The following UBOX5 variants were observed in gnomAD, a reference collection of about 807,000 sequenced individuals.
The protein encoded by UBOX5 is RING finger protein 37.
In UBOX5, 28 loss-of-function variants were observed where a neutral mutation model predicts 39.0. That is an observed-to-expected ratio of 0.72 (90% CI 0.53 to 0.98). The LOEUF (loss-of-function observed/expected upper bound fraction) is 0.98, where lower values mean the gene tolerates loss of function less well. Among genes scored for constraint, UBOX5 ranks in the 50% least tolerant of loss-of-function variants. UBOX5 has a pLI of 0.00. For missense variants in UBOX5, 585 were observed against 674.4 expected, an observed-to-expected ratio of 0.87 and a Z score of 1.47; for synonymous variants, 283 against 275.5, an observed-to-expected ratio of 1.03 and a Z score of -0.27.
chr20:3,118,481 C>T (rs1397430318), intron 3 of UBOX5, among the ~76,000 whole-genome samples: 2 of 150,154 alleles, frequency 1.3e-5, no homozygotes, highest in Admixed American at 6.6e-5. Flanking sequence ...CATAAAAATA[C>T]AAAAATCAGC....
At chr20:3,114,213 G>A (rs1437979473) in intron 4 of UBOX5, among the ~76,000 whole-genome samples, 2 of 152,146 alleles carry the variant, frequency 1.3e-5, no homozygotes, top group East Asian at 3.9e-4. Context: ...GGAGCTACAG[G>A]GGAACATGGA....
chr20:3,122,598 A>G lies in UBOX5; in HGVS notation c.55-14T>C. The G allele has an allele frequency of 6.5e-7, 1 of 1,545,190 alleles. No individual in the cohort carries two copies. Among genetic ancestry groups the G allele is most frequent in the Non-Finnish European group, 8.7e-7 (1 of 1,146,766 alleles). ...ATCAGCTGATATCTAGATTTAATAA[A>G]AAACACAAGATACAATGATCCAAAT... is the stretch of plus-strand genomic sequence containing the variant. On this transcript the variant is annotated splice_polypyrimidine_tract_variant and intron_variant, in intron 2 of 4. Transcript: ENST00000217173.
intron 1 of UBOX5, among the ~76,000 whole-genome samples, chr20:3,124,401 A>T (rs1408010601): frequency 6.6e-6 from 1 of 152,172 alleles, no homozygotes; most frequent in Non-Finnish European, 1.5e-5. Flanking sequence ...CTGGGATTGC[A>T]GACGGAGTCT....
intron 4 of UBOX5, among the ~76,000 whole-genome samples, chr20:3,111,979 C>G (rs1444371993): frequency 6.6e-6 from 1 of 152,116 alleles, no homozygotes; most frequent in Non-Finnish European, 1.5e-5. Context: ...GCCTCCGCAT[C>G]CCTGAGAACT....
At chr20:3,128,182 A>G (rs1243976665) in intron 1 of UBOX5, among the ~76,000 whole-genome samples, 5 of 152,234 alleles carry the variant, frequency 3.3e-5, no homozygotes, top group Non-Finnish European at 5.9e-5. Context: ...GAAGCCCTAT[A>G]GTTACCTCTT....
intron 3 of UBOX5, among the ~76,000 whole-genome samples, chr20:3,117,932 C>A (rs1421458632): frequency 6.6e-6 from 1 of 151,936 alleles, no homozygotes; most frequent in Non-Finnish European, 1.5e-5. Context: ...GCGGAGGTTG[C>A]AGTGAGCAGA....
intron 4 of UBOX5, among the ~76,000 whole-genome samples, chr20:3,114,816 C>T (rs933417449): frequency 5.3e-5 from 8 of 152,042 alleles, no homozygotes; most frequent in Non-Finnish European, 1.2e-4. Context: ...GGCATGGTGG[C>T]GGGCGCCTGT....
Position 3,109,971 on chromosome 20 carries a change from A to G in UBOX5, c.*135T>C. On this transcript the variant is annotated 3_prime_UTR_variant, in exon 5 of 5. Transcript: ENST00000217173. ...AAGCAATGTGCTATACCGTGAGGTG[A>G]TGAAGAAGAGCCCCGGGAGGGAGCA... 2 of 996,300 alleles carry G rather than the reference A, an allele frequency of 2.0e-6. No individual in the cohort carries two copies. Among genetic ancestry groups the G allele is most frequent in the Non-Finnish European group, 3.0e-6 (2 of 667,546 alleles). The allele number at this position is 996,300 out of a possible 1,614,324, so 61.7% of individuals were successfully genotyped here. A position where few individuals can be genotyped will look rare whatever the true frequency, so the allele number is the denominator to read the frequency against.
chr20:3,134,246 G>A (rs1482819980), intron 1 of UBOX5, among the ~76,000 whole-genome samples: 1 of 151,818 alleles, frequency 6.6e-6, no homozygotes, highest in Non-Finnish European at 1.5e-5. Flanking sequence ...TTTACATTTG[G>A]TGTATTCATT....
At chr20:3,148,953 C>G in intron 1 of UBOX5, 1 of 1,614,164 alleles carries the variant, frequency 6.2e-7, no homozygotes, top group Non-Finnish European at 8.5e-7. Context: ...GGGTCCTGTC[C>G]CCCATGCTGT....
At chr20:3,141,946 G>A (rs2066520231) in intron 1 of UBOX5, among the ~76,000 whole-genome samples, 2 of 152,128 alleles carry the variant, frequency 1.3e-5, no homozygotes, top group South Asian at 4.1e-4. Flanking sequence ...CTGGGATTTT[G>A]AGGCTGCAGT....
intron 1 of UBOX5, among the ~76,000 whole-genome samples, chr20:3,140,965 C>T (rs968062037): frequency 5.0e-5 from 7 of 140,826 alleles, no homozygotes; most frequent in African/African-American, 1.9e-4. Flanking sequence ...GTCACCCAGG[C>T]TTGAGTGCAG....
chr20:3,110,009 C>G lies in UBOX5; in HGVS notation c.*97G>C. 1 of 1,458,106 alleles carries G rather than the reference C, an allele frequency of 6.9e-7. No individual in the cohort carries two copies. Among genetic ancestry groups the G allele is most frequent in the African/African-American group, 1.4e-5 (1 of 72,106 alleles). The allele number at this position is 1,458,106 out of a possible 1,614,324, so 90.3% of individuals were successfully genotyped here. A position where few individuals can be genotyped will look rare whatever the true frequency, so the allele number is the denominator to read the frequency against. ...CCGGGAGGGAGCAGGCAGCTCTGTG[C>G]CTGGGGCCTGGCCAGACCTCAGGGG... On this transcript the variant is annotated 3_prime_UTR_variant, in exon 5 of 5. Coordinates refer to ENST00000217173, the MANE Select transcript of UBOX5 (RefSeq NM_014948.4).
At chr20:3,137,309 T>C (rs1430005528) in intron 1 of UBOX5, among the ~76,000 whole-genome samples, 2 of 152,100 alleles carry the variant, frequency 1.3e-5, no homozygotes, top group African/African-American at 4.8e-5. Context: ...TCATGTGTAG[T>C]TGTTAAAAAA....
intron 1 of UBOX5, chr20:3,146,568 C>T: frequency 1.8e-6 from 1 of 567,756 alleles, no homozygotes; most frequent in African/African-American, 1.9e-5. Flanking sequence ...CTAAGAGTAA[C>T]ATGTATACAT....
At chr20:3,121,031 C>T (rs1371571177) in intron 3 of UBOX5, among the ~76,000 whole-genome samples, 1 of 152,180 alleles carries the variant, frequency 6.6e-6, no homozygotes, top group Non-Finnish European at 1.5e-5. Context: ...GCAGCTCTGA[C>T]CAGAGGCTTC....
At chr20:3,146,957 T>C in intron 1 of UBOX5, 1 of 1,614,190 alleles carries the variant, frequency 6.2e-7, no homozygotes, top group Non-Finnish European at 8.5e-7. Flanking sequence ...GCAATACTGG[T>C]TCCTGTTTGT....
In UBOX5 at chr20:3,121,899, G is replaced by A. The variant is rs758259152; in HGVS notation, c.740C>T (p.Ser247Phe). The A allele has an allele frequency of 2.5e-6, 4 of 1,613,914 alleles. No homozygotes were observed. Among genetic ancestry groups the A allele is most frequent in the Non-Finnish European group, 1.7e-6 (2 of 1,180,034 alleles). ...GATCTCGGCCAGCTTCTGCAGGCTG[G>A]AGGGAGCCTGCTGGCTCTCAGGCTG... ...GDQPESQQAP[S>F]SLQKLAEIIQ... The change falls in exon 3 of 5, where the codon TCC becomes TTC. Residue 247 changes from serine (S) to phenylalanine (F), a missense_variant. Transcript: ENST00000217173.
In UBOX5 at chr20:3,146,685, C is replaced by A; in HGVS notation, c.-42+13081G>T. 2.0e-6 allele frequency: 3 copies of A among 1,468,538 alleles called. 1 individual carries two copies. The Middle Eastern group carries it at 6.4e-4, about 313-fold the overall frequency. The allele number at this position is 1,468,538 out of a possible 1,614,324, so 91.0% of individuals were successfully genotyped here. Reference sequence around the variant, plus strand: ...TCTCCTCAACACACTATTTTATCGCCAAACTTACATTCTGGCTTTTATAAT... The same window carrying A: ...TCTCCTCAACACACTATTTTATCGCAAAACTTACATTCTGGCTTTTATAAT... On this transcript the variant is annotated intron_variant, in intron 1 of 4. Transcript: ENST00000217173.
Sources: allele counts gnomAD v4.1 joint callset (sites outside exome capture counted in the v4.1 genomes callset), GRCh38; gene constraint gnomAD v4.1.1; transcripts MANE v1.5; gene names NCBI Gene and HGNC (gene_info 2026-07-23, HGNC 2026-07-21).